EFCAB6: variants seen among roughly 807,000 people sequenced by gnomAD.
EFCAB6 encodes the protein EF-hand calcium binding domain 6.
Under a neutral mutation model 169.8 loss-of-function variants are expected in EFCAB6, and 156 were observed. The ratio of observed to expected loss-of-function variants is 0.92; its 90% CI spans 0.81 to 1.05. EFCAB6 has a LOEUF of 1.05. Among genes scored for constraint, EFCAB6 ranks in the 50% least tolerant of loss-of-function variants. EFCAB6 has a pLI of 0.00. For synonymous variants in EFCAB6, 698 were observed against 676.4 expected, an observed-to-expected ratio of 1.03 and a Z score of -0.50; for missense variants, 1,800 against 1,829.1, an observed-to-expected ratio of 0.98 and a Z score of 0.29.
At chr22:43,732,486 T>A (rs1039281452) in intron 7 of EFCAB6, among the ~76,000 whole-genome samples, 4 of 150,834 alleles carry the variant, frequency 2.7e-5, no homozygotes, top group South Asian at 2.1e-4. Flanking sequence ...TTTTTTTTTT[T>A]AGGCAGAATC....
Position 43,583,108 on chromosome 22 carries a change from C to CT in EFCAB6, c.3033-2450dup, listed in dbSNP as rs755600221. ...ACTCTCTTTTCTCCAGAACCTTGAA[C>CT]TTGGACCCACCTCAGCCAAAGCCAG... is the stretch of plus-strand genomic sequence containing the variant. On this transcript the variant is annotated intron_variant, in intron 24 of 31. Coordinates refer to ENST00000262726, the MANE Select transcript of EFCAB6 (RefSeq NM_022785.4). Among the ~76,000 whole-genome samples the CT allele has an allele frequency of 2.0e-5, 3 of 152,098 alleles. No individual in the cohort carries two copies. In the East Asian group the frequency reaches 5.8e-4, roughly 29 times the overall value.
intron 26 of EFCAB6, among the ~76,000 whole-genome samples, chr22:43,560,031 T>TA (rs1002814400): frequency 6.6e-6 from 1 of 152,102 alleles, no homozygotes; most frequent in Admixed American, 6.5e-5. Flanking sequence ...AAGTAAAATT[T>TA]AAAAAATGCC....
intron 10 of EFCAB6, 34 bp downstream of exon 10, chr22:43,711,441 G>T: frequency 6.5e-7 from 1 of 1,531,780 alleles, no homozygotes; most frequent in Non-Finnish European, 8.7e-7. Flanking sequence ...GACGTTTGGG[G>T]AAAAAAATGT....
chr22:43,669,536 G>A (rs1185588533), intron 15 of EFCAB6, among the ~76,000 whole-genome samples: 1 of 152,214 alleles, frequency 6.6e-6, no homozygotes, highest in Non-Finnish European at 1.5e-5. Flanking sequence ...TATCATGAAA[G>A]AGAGCTATCA....
At chr22:43,598,870 A>G (rs2052262499) in intron 23 of EFCAB6, among the ~76,000 whole-genome samples, 1 of 152,210 alleles carries the variant, frequency 6.6e-6, no homozygotes, top group Non-Finnish European at 1.5e-5. Context: ...TATACCGATT[A>G]CCCTGATTTG....
At chr22:43,780,987 G>A (rs1449740657) in intron 3 of EFCAB6, among the ~76,000 whole-genome samples, 3 of 152,152 alleles carry the variant, frequency 2.0e-5, no homozygotes, top group South Asian at 2.1e-4. Flanking sequence ...TTTGGCTCAC[G>A]CTACTTGAAT....
At chr22:43,685,985 ATT>A (rs137796) in intron 11 of EFCAB6, among the ~76,000 whole-genome samples, 2,935 of 148,346 alleles carry the variant, frequency 0.02, 95 homozygotes, top group African/African-American at 0.068. Flanking sequence ...TTTTAAAACA[ATT>A]TTTTTTTTTT....
At chr22:43,752,898 A>G (rs1194776901) in intron 6 of EFCAB6, among the ~76,000 whole-genome samples, 1 of 152,198 alleles carries the variant, frequency 6.6e-6, no homozygotes, top group African/African-American at 2.4e-5. Flanking sequence ...AGCTGGTGGC[A>G]GATAAAGACG....
intron 8 of EFCAB6, among the ~76,000 whole-genome samples, chr22:43,726,559 G>A (rs1450962215): frequency 6.6e-6 from 1 of 152,236 alleles, no homozygotes; most frequent in Non-Finnish European, 1.5e-5. Flanking sequence ...GGCCCCAGCT[G>A]GAATCATGCT....
chr22:43,668,068 C>T (rs144743879), intron 16 of EFCAB6, among the ~76,000 whole-genome samples: 5 of 152,326 alleles, frequency 3.3e-5, no homozygotes, highest in Middle Eastern at 3.4e-3. Context: ...CATATCTTAT[C>T]ATGGAATATT....
intron 23 of EFCAB6, among the ~76,000 whole-genome samples, chr22:43,590,905 C>T (rs891662696): frequency 1.3e-5 from 2 of 151,872 alleles, no homozygotes; most frequent in African/African-American, 2.4e-5. Flanking sequence ...GGGCAGTGAG[C>T]GAAGAGTGTG....
intron 4 of EFCAB6, among the ~76,000 whole-genome samples, chr22:43,770,507 A>G (rs2061437106): frequency 6.6e-6 from 1 of 152,250 alleles, no homozygotes; most frequent in Non-Finnish European, 1.5e-5. Context: ...ACATATGCTC[A>G]TAACTGCAGA....
chr22:43,663,838 C>A (rs971797855), intron 17 of EFCAB6, among the ~76,000 whole-genome samples: 3 of 152,198 alleles, frequency 2.0e-5, no homozygotes, highest in Non-Finnish European at 4.4e-5. Context: ...AGGGCCCTTG[C>A]CGGAGCCCCA....
intron 27 of EFCAB6, among the ~76,000 whole-genome samples, chr22:43,542,406 C>G (rs1046013911): frequency 2.0e-5 from 3 of 152,116 alleles, no homozygotes; most frequent in South Asian, 2.1e-4. Flanking sequence ...ATGGTGAAAC[C>G]CCATCTCTAC....
chr22:43,666,840 T>G (rs1039579395), intron 17 of EFCAB6, among the ~76,000 whole-genome samples: 1 of 152,012 alleles, frequency 6.6e-6, no homozygotes, highest in African/African-American at 2.4e-5. Flanking sequence ...ATGCAGCAGA[T>G]AGCCAAACCG....
At chr22:43,578,276 A>G (rs1443655439) in intron 25 of EFCAB6, among the ~76,000 whole-genome samples, 3 of 152,140 alleles carry the variant, frequency 2.0e-5, no homozygotes, top group African/African-American at 4.8e-5. Context: ...AAGACTCATG[A>G]ACTCTCATTA....
chr22:43,627,266 C>G (rs1471771079), intron 19 of EFCAB6, among the ~76,000 whole-genome samples: 1 of 152,154 alleles, frequency 6.6e-6, no homozygotes, highest in Non-Finnish European at 1.5e-5. Flanking sequence ...GATGAGGAAA[C>G]AGAGGCTCAG....
intron 6 of EFCAB6, among the ~76,000 whole-genome samples, chr22:43,747,013 G>A (rs2060589619): frequency 6.6e-6 from 1 of 152,178 alleles, no homozygotes; most frequent in Non-Finnish European, 1.5e-5. Context: ...CATGCAAGAG[G>A]ATGCTGCTTT....
At position 43,598,312 on chromosome 22, in the gene EFCAB6, A is replaced by AAAC. The variant is rs1234879021; in HGVS notation, c.2876+1756_2876+1757insGTT. On this transcript the variant is annotated intron_variant, in intron 23 of 31. Coordinates refer to ENST00000262726, the MANE Select transcript of EFCAB6 (RefSeq NM_022785.4). Reference sequence around the variant, plus strand: ...ATGAAAGTGAGACACTGTCTCCGGGAAAAAAAAAAAAAAAAAAAAAAAAAA... The same window carrying AAAC: ...ATGAAAGTGAGACACTGTCTCCGGGAAACAAAAAAAAAAAAAAAAAAAAAAAAA... Among the ~76,000 whole-genome samples, 37 of 142,506 alleles carry AAAC rather than the reference A, an allele frequency of 2.6e-4. 4 individuals carry two copies. Among genetic ancestry groups the AAAC allele is most frequent in the East Asian group, 6.1e-4 (3 of 4,948 alleles). 93.5% of individuals were successfully genotyped at this position (142,506 alleles called of 152,430 possible).
Sources: gnomAD v4.1 joint callset for allele counts (sites outside exome capture counted in the v4.1 genomes callset) on GRCh38, gnomAD v4.1.1 for gene constraint, MANE v1.5 for transcripts, NCBI Gene and HGNC (gene_info 2026-07-23, HGNC 2026-07-21) for gene names.